The following CNTNAP2 variants were observed in gnomAD, a reference collection of about 807,000 sequenced individuals.
The protein encoded by CNTNAP2 is contactin associated protein 2.
In CNTNAP2, 98 loss-of-function variants were observed where a neutral mutation model predicts 155.2. The ratio of observed to expected loss-of-function variants is 0.63; its 90% CI spans 0.54 to 0.75. The LOEUF is 0.75. Ranked by LOEUF, CNTNAP2 falls within the 30% of genes least tolerant of loss-of-function variation. The pLI, the probability that CNTNAP2 is intolerant of heterozygous loss-of-function variation, is 0.00. For missense variants in CNTNAP2, 1,727 were observed against 1,688.1 expected, an observed-to-expected ratio of 1.02 and a Z score of -0.40; for synonymous variants, 651 against 631.2, an observed-to-expected ratio of 1.03 and a Z score of -0.47.
chr7:148,125,171 C>T (rs371740416), intron 16 of CNTNAP2, among the ~76,000 whole-genome samples: 1 of 151,866 alleles, frequency 6.6e-6, no homozygotes, highest in South Asian at 2.1e-4. Flanking sequence ...AGACATGGCC[C>T]CATCCCAGAG....
intron 17 of CNTNAP2, among the ~76,000 whole-genome samples, chr7:148,162,272 A>G (rs1805562280): frequency 6.6e-6 from 1 of 152,250 alleles, no homozygotes; most frequent in Non-Finnish European, 1.5e-5. Context: ...ACCTAAAGAT[A>G]TTTGCAAAAA....
chr7:147,675,387 G>T (rs1795853024), intron 13 of CNTNAP2, among the ~76,000 whole-genome samples: 1 of 152,072 alleles, frequency 6.6e-6, no homozygotes. Flanking sequence ...AGGTATATTA[G>T]TCAGGGTTCC....
At chr7:147,727,065 C>T (rs1229906741) in intron 13 of CNTNAP2, among the ~76,000 whole-genome samples, 2 of 151,500 alleles carry the variant, frequency 1.3e-5, no homozygotes, top group East Asian at 2.0e-4. Flanking sequence ...AAATTGTATA[C>T]ATTAATTATG....
At chr7:146,480,484 T>G (rs1796942753) in intron 1 of CNTNAP2, among the ~76,000 whole-genome samples, 2 of 151,752 alleles carry the variant, frequency 1.3e-5, no homozygotes, top group South Asian at 4.1e-4. Context: ...TCTGGACCCT[T>G]GAAGAACATA....
chr7:147,272,919 C>G (rs934067793), intron 8 of CNTNAP2, among the ~76,000 whole-genome samples: 10 of 152,074 alleles, frequency 6.6e-5, no homozygotes, highest in African/African-American at 2.4e-4. Flanking sequence ...GTGAAGTTAT[C>G]TGAGGTTAGA....
At chr7:148,352,717 G>C (rs1216791425) in intron 21 of CNTNAP2, among the ~76,000 whole-genome samples, 2 of 152,204 alleles carry the variant, frequency 1.3e-5, no homozygotes, top group Non-Finnish European at 2.9e-5. Context: ...AGTATGGGGG[G>C]CTGTGGCTTG....
intron 1 of CNTNAP2, among the ~76,000 whole-genome samples, chr7:146,450,279 T>C (rs2129122079): frequency 6.6e-6 from 1 of 152,314 alleles, no homozygotes; most frequent in African/African-American, 2.4e-5. Flanking sequence ...GCAGTTTCAG[T>C]TATCTATTGC....
At chr7:146,303,679 T>G (rs898887381) in intron 1 of CNTNAP2, among the ~76,000 whole-genome samples, 1 of 152,142 alleles carries the variant, frequency 6.6e-6, no homozygotes, top group Non-Finnish European at 1.5e-5. Flanking sequence ...TAGGAGTGCT[T>G]TACTTCCAAC....
At chr7:147,006,907 C>T (rs1563041328) in intron 3 of CNTNAP2, among the ~76,000 whole-genome samples, 1 of 152,034 alleles carries the variant, frequency 6.6e-6, no homozygotes, top group Non-Finnish European at 1.5e-5. Flanking sequence ...GGAAAAAGTA[C>T]ATGCTGAAAG....
At chr7:146,289,571 A>T (rs931018579) in intron 1 of CNTNAP2, among the ~76,000 whole-genome samples, 2 of 152,196 alleles carry the variant, frequency 1.3e-5, no homozygotes, top group Admixed American at 1.3e-4. Context: ...TGTGGTATAA[A>T]ATCAACAGGT....
At chr7:148,314,899 T>A (rs2116524660) in intron 21 of CNTNAP2, among the ~76,000 whole-genome samples, 1 of 152,170 alleles carries the variant, frequency 6.6e-6, no homozygotes, top group African/African-American at 2.4e-5. Context: ...GAGTTTTGGG[T>A]CCACAGATAA....
intron 20 of CNTNAP2, among the ~76,000 whole-genome samples, chr7:148,265,299 G>A (rs527936794): frequency 6.6e-6 from 1 of 152,090 alleles, no homozygotes; most frequent in Admixed American, 6.5e-5. Flanking sequence ...TTCCAGACAG[G>A]GTCTCACTCT....
intron 3 of CNTNAP2, among the ~76,000 whole-genome samples, chr7:147,040,485 G>C (rs1460266125): frequency 8.6e-6 from 1 of 116,560 alleles, no homozygotes; most frequent in Non-Finnish European, 1.7e-5. Flanking sequence ...TTTTGAGACA[G>C]AGTCTGGCTC....
intron 12 of CNTNAP2, among the ~76,000 whole-genome samples, chr7:147,597,973 G>T (rs540850638): frequency 6.6e-6 from 1 of 152,130 alleles, no homozygotes; most frequent in African/African-American, 2.4e-5. Context: ...GCAGCAATAG[G>T]TCAGGCAAAC....
intron 12 of CNTNAP2, among the ~76,000 whole-genome samples, chr7:147,600,395 A>G (rs1800921144): frequency 6.6e-6 from 1 of 152,150 alleles, no homozygotes; most frequent in South Asian, 2.1e-4. Flanking sequence ...CAACTATTCA[A>G]CTCTGCCTTT....
At position 147,577,672 on chromosome 7, in the gene CNTNAP2, G is replaced by GT. The variant is rs1031649150; in HGVS notation, c.1897+15425dup. ...TGCTTCAATATCTGTTTCATAACAAGTTTTTTTTTTCTCAATAGCTACCCC... is the reference window on the plus strand; with the variant it reads ...TGCTTCAATATCTGTTTCATAACAAGTTTTTTTTTTTCTCAATAGCTACCCC... On this transcript the variant is annotated intron_variant, in intron 12 of 23. Transcript: ENST00000361727. Among the ~76,000 whole-genome samples, 87 of 149,898 alleles carry GT rather than the reference G, an allele frequency of 5.8e-4. 1 individual carries two copies. The highest frequency in any genetic ancestry group is 2.1e-3 in the South Asian group (10 of 4,726).
rs968131043 is a variant in CNTNAP2, at chr7:147,908,543, G to A, written c.2255+4822G>A. 7.2e-5 allele frequency among the ~76,000 whole-genome samples: 11 copies of A among 152,262 alleles called. No homozygotes were observed. The East Asian group carries it at 2.1e-3, about 29-fold the overall frequency. On this transcript the variant is annotated intron_variant, in intron 14 of 23. Coordinates refer to ENST00000361727, the MANE Select transcript of CNTNAP2 (RefSeq NM_014141.6). ...GAGCCCCTTCTTGAAGCTGACTTTG[G>A]GTGTAGTCTCTCTAACTAGGAGAAG...
chr7:146,196,603 A>G (rs1163501477), intron 1 of CNTNAP2, among the ~76,000 whole-genome samples: 5 of 150,368 alleles, frequency 3.3e-5, no homozygotes, highest in Non-Finnish European at 7.4e-5. Context: ...GAGAAAGAGA[A>G]AGAGAGAGAA....
At chr7:146,373,458 A>G (rs1413068061) in intron 1 of CNTNAP2, among the ~76,000 whole-genome samples, 1 of 152,016 alleles carries the variant, frequency 6.6e-6, no homozygotes, top group Non-Finnish European at 1.5e-5. Context: ...AAAGCATCAA[A>G]GGAAGCAAAG....
Sources: gnomAD v4.1 joint callset for allele counts (sites outside exome capture counted in the v4.1 genomes callset) on GRCh38, gnomAD v4.1.1 for gene constraint, MANE v1.5 for transcripts, NCBI Gene and HGNC (gene_info 2026-07-23, HGNC 2026-07-21) for gene names.